Variants in PHLDB3 observed in about 807,000 individuals in gnomAD.
PHLDB3 encodes pleckstrin homology-like domain family B member 3.
In PHLDB3, 86 loss-of-function variants were observed where a neutral mutation model predicts 85.7. That is an observed-to-expected ratio of 1.00 (90% CI 0.84 to 1.20). The LOEUF (loss-of-function observed/expected upper bound fraction) is 1.20. Ranked by LOEUF, PHLDB3 falls within the 50% of genes most tolerant of loss-of-function variation. The pLI is 0.00. For missense variants in PHLDB3, 995 were observed against 873.0 expected (o/e 1.14, Z -1.76); for synonymous variants, 376 against 349.8 (o/e 1.07, Z -0.83).
At chr19:43,504,309 G>A in intron 1 of PHLDB3, 177 bp from the exon 2 acceptor site, 1 of 635,414 alleles carries the variant, frequency 1.6e-6, no homozygotes, top group Non-Finnish European at 2.7e-6. Flanking sequence ...GGGGCTTGAT[G>A]GCTCCAAGGC....
chr19:43,486,069 C>T (rs1971147633), intron 13 of PHLDB3, 197 bp downstream of exon 13: 2 of 985,398 alleles, frequency 2.0e-6, no homozygotes, highest in African/African-American at 3.5e-5. Flanking sequence ...ACCCGAGGAC[C>T]TGCCACACAT....
At chr19:43,504,254 A>G (rs1212456359) in intron 1 of PHLDB3, 122 bp from the exon 2 acceptor site, 2 of 904,350 alleles carry the variant, frequency 2.2e-6, no homozygotes, top group Non-Finnish European at 3.2e-6. Flanking sequence ...AGTTCAAAGG[A>G]TGGAACTGAG....
chr19:43,477,143 T>C (rs942617674), intron 15 of PHLDB3, among the ~76,000 whole-genome samples: 1 of 152,172 alleles, frequency 6.6e-6, no homozygotes, highest in Non-Finnish European at 1.5e-5. Context: ...GCCCGACCCT[T>C]GCTGTGACCT....
At chr19:43,476,361 C>A (rs183102032) in intron 15 of PHLDB3, among the ~76,000 whole-genome samples, 2 of 152,076 alleles carry the variant, frequency 1.3e-5, no homozygotes, top group African/African-American at 4.8e-5. Context: ...AAAACTCAGG[C>A]CGGCCGGGCT....
Position 43,497,295 on chromosome 19 carries a change from CA to C in PHLDB3, c.664-17del. On this transcript the variant is annotated splice_polypyrimidine_tract_variant and intron_variant, in intron 5 of 15. Transcript: ENST00000292140. ...GTTCCCTCATCTATAGGTCGGAACA[CA>C]AAAAGGGTGGAGGCCTGAATCCCTA... 9.2e-6 allele frequency: 13 copies of C among 1,410,258 alleles called. No individual in the cohort carries two copies. The highest frequency in any genetic ancestry group is 5.1e-5 in the South Asian group (3 of 59,274). The allele number at this position is 1,410,258 out of a possible 1,614,324, so 87.4% of individuals were successfully genotyped here.
At position 43,475,562 on chromosome 19, in the gene PHLDB3, T is replaced by C; in HGVS notation, c.1789-18A>G. The C allele has an allele frequency of 1.2e-6, 2 of 1,613,514 alleles. No homozygotes were observed. Among genetic ancestry groups the C allele is most frequent in the Non-Finnish European group, 1.7e-6 (2 of 1,179,722 alleles). ...TTGGGGCTCTGGAATAAGCAGAAAG[T>C]GAGGGTAATTCAGACAAAAGACACC... On this transcript the variant is annotated intron_variant, in intron 15 of 15. Coordinates refer to ENST00000292140, the MANE Select transcript of PHLDB3 (RefSeq NM_198850.4).
chr19:43,478,789 C>T (rs1970978228), intron 14 of PHLDB3, among the ~76,000 whole-genome samples: 1 of 152,102 alleles, frequency 6.6e-6, no homozygotes, highest in Non-Finnish European at 1.5e-5. Flanking sequence ...GTGGCATGAG[C>T]CTGTAGTCCC....
rs1407143489 is a variant in PHLDB3, at chr19:43,501,888, A to G, written c.397-17T>C. 2 of 1,577,938 alleles carry G rather than the reference A, an allele frequency of 1.3e-6. No homozygotes were observed. The highest frequency in any genetic ancestry group is 8.6e-7 in the Non-Finnish European group (1 of 1,162,058). Reference sequence around the variant, plus strand: ...CACCTCCATCTGCGGAGAGAATGCCAGGGCTGGGGGCTCGGACGCCTAGGT... The same window carrying G: ...CACCTCCATCTGCGGAGAGAATGCCGGGGCTGGGGGCTCGGACGCCTAGGT... On this transcript the variant is annotated splice_polypyrimidine_tract_variant and intron_variant, in intron 3 of 15. Coordinates refer to ENST00000292140, the MANE Select transcript of PHLDB3 (RefSeq NM_198850.4).
chr19:43,478,074 A>G lies in PHLDB3; in HGVS notation c.1761T>C (p.Tyr587=), dbSNP rs746601902. The change falls in exon 15 of 16, where the codon TAT becomes TAC. Residue 587 remains tyrosine (Y), a synonymous_variant. Coordinates refer to ENST00000292140, the MANE Select transcript of PHLDB3 (RefSeq NM_198850.4). ...TGAAGGCACAGCGTAAGTGGTCATA[A>G]TAGACTTCCTCAATGGCCTGGAAGT... ...VIYFQAIEEV[Y]YDHLRCAFKS... 2.5e-6 allele frequency: 4 copies of G among 1,613,604 alleles called. No homozygotes were observed. In the South Asian group the frequency reaches 3.3e-5, roughly 13 times the overall value.
chr19:43,501,279 A>T (rs1324622210), intron 4 of PHLDB3, among the ~76,000 whole-genome samples: 2 of 140,140 alleles, frequency 1.4e-5, no homozygotes, highest in African/African-American at 5.4e-5. Flanking sequence ...CATCTCCCGG[A>T]TTCAAGCGAT....
Position 43,494,753 on chromosome 19 carries a change from G to A in PHLDB3, c.1098C>T (p.Ser366=), listed in dbSNP as rs750885134. The A allele has an allele frequency of 1.2e-5, 20 of 1,613,332 alleles. No individual in the cohort carries two copies. Among genetic ancestry groups the A allele is most frequent in the Admixed American group, 5.0e-5 (3 of 59,954 alleles). ...LLVLQDAVAH[S]AATPTSSCLF... ...GGCAGGAAGAAGTAGGGGTGGCAGC[G>A]GAGTGGGCCACGGCATCCTGGAGCA... The change falls in exon 9 of 16, where the codon TCC becomes TCT. Residue 366 remains serine, a synonymous_variant. Transcript: ENST00000292140.
At chr19:43,491,950 T>TGC (rs1568479750) in intron 9 of PHLDB3, among the ~76,000 whole-genome samples, 1 of 142,802 alleles carries the variant, frequency 7.0e-6, no homozygotes, top group African/African-American at 2.6e-5. Context: ...TGGCCGTTTT[T>TGC]TTTTTTTTGT....
intron 13 of PHLDB3, among the ~76,000 whole-genome samples, chr19:43,485,616 G>A (rs1362089468): frequency 6.7e-6 from 1 of 150,266 alleles, no homozygotes; most frequent in Non-Finnish European, 1.5e-5. Context: ...GGAGTGTAGT[G>A]GTACAATCTC....
chr19:43,497,606 G>C lies in PHLDB3; in HGVS notation c.663+142C>G, dbSNP rs1971491936. On this transcript the variant is annotated intron_variant, in intron 5 of 15. Transcript: ENST00000292140. ...GCGCACCTGTAGTCCCAGCTACACG[G>C]GAGGCTGAGATGGGAGAATCGCTTG... The C allele has an allele frequency of 4.4e-6, 4 of 916,044 alleles. No homozygotes were observed. The Admixed American group carries it at 7.9e-5, about 18-fold the overall frequency. The allele number at this position is 916,044 out of a possible 1,614,324, so 56.7% of individuals were successfully genotyped here.
At chr19:43,482,897 G>A (rs187183179) in intron 13 of PHLDB3, among the ~76,000 whole-genome samples, 2 of 152,230 alleles carry the variant, frequency 1.3e-5, no homozygotes, top group Admixed American at 6.5e-5. Context: ...CCCCACTGCC[G>A]TTCCTGCCTT....
In PHLDB3 at chr19:43,486,303, G is replaced by A. The variant is rs752044584; in HGVS notation, c.1448C>T (p.Thr483Met). 1.5e-5 allele frequency: 24 copies of A among 1,608,918 alleles called. No individual in the cohort carries two copies. The highest frequency in any genetic ancestry group is 6.8e-5 in the Admixed American group (4 of 59,182). The stretch of plus-strand genomic sequence containing the variant: ...AACAGCAGGGCCTGAGGAACCTTCC[G>A]TGCCCCTTCTTGTTCCTTCCTGTGG... ...LKAREGTRRGTEGSSGPAVPA... is the reference protein window; with the variant it reads ...LKAREGTRRGMEGSSGPAVPA... The change falls in exon 13 of 16, where the codon ACG (threonine) becomes ATG (methionine). Residue 483 changes from threonine to methionine, a missense_variant. Transcript: ENST00000292140.
chr19:43,497,099 C>A lies in PHLDB3; in HGVS notation c.825+19G>T. On this transcript the variant is annotated intron_variant, in intron 6 of 15. Coordinates refer to ENST00000292140, the MANE Select transcript of PHLDB3 (RefSeq NM_198850.4). ...GAGAGGAGCAGCAAGGGGGGCAGCG[C>A]TGGTCAGGCATGACTCACTCTGTGC... 1 of 1,439,600 alleles carries A rather than the reference C, an allele frequency of 6.9e-7. No individual in the cohort carries two copies. Among genetic ancestry groups the A allele is most frequent in the Non-Finnish European group, 9.1e-7 (1 of 1,096,994 alleles). The allele number at this position is 1,439,600 out of a possible 1,614,324, so 89.2% of individuals were successfully genotyped here.
intron 13 of PHLDB3, among the ~76,000 whole-genome samples, chr19:43,482,867 A>C (rs762452396): frequency 1.3e-5 from 2 of 152,112 alleles, no homozygotes; most frequent in African/African-American, 2.4e-5. Context: ...GCACAAGCTT[A>C]TGCCTAACAA....
rs139669747 is a variant in PHLDB3 at position 43,483,404 on chromosome 19, G to T, written c.1485+2862C>A. Among the ~76,000 whole-genome samples the T allele has an allele frequency of 4.5e-3, 686 of 151,732 alleles. 3 individuals carry two copies. The highest frequency in any genetic ancestry group is 0.02 in the Middle Eastern group (6 of 294). On this transcript the variant is annotated intron_variant, in intron 13 of 15. Coordinates refer to ENST00000292140, the MANE Select transcript of PHLDB3 (RefSeq NM_198850.4). ...AATCCTCCCACCTTAGCCTTTTCCC[G>T]AGTAGCTGGGACCAAAGGCATGCAC...
Sources: allele counts gnomAD v4.1 joint callset (sites outside exome capture counted in the v4.1 genomes callset), GRCh38; gene constraint gnomAD v4.1.1; transcripts MANE v1.5; gene names NCBI Gene and HGNC (gene_info 2026-07-23, HGNC 2026-07-21).